ATXN1: variants seen among roughly 807,000 people sequenced by gnomAD.
ATXN1 encodes ataxin 1, also known as ataxin-1.
A neutral mutation model predicts 56.4 loss-of-function variants in ATXN1; 8 were observed. The observed-to-expected ratio is 0.14, with a 90% CI of 0.08 to 0.26. The LOEUF (loss-of-function observed/expected upper bound fraction) is 0.26, where lower values mean the gene tolerates loss of function less well. ATXN1 is among the 10% of genes least tolerant of loss of function. ATXN1 has a pLI of 1.00. For synonymous variants in ATXN1, 514 were observed against 494.6 expected, an observed-to-expected ratio of 1.04 and a Z score of -0.52; for missense variants, 987 against 1,106.5, an observed-to-expected ratio of 0.89 and a Z score of 1.53.
chr6:16,711,607 T>C (rs186543191), intron 2 of ATXN1, among the ~76,000 whole-genome samples: 228 of 150,084 alleles, frequency 1.5e-3, no homozygotes, highest in Non-Finnish European at 2.5e-3. Flanking sequence ...AAACCATCTA[T>C]ATCTATATAG....
intron 3 of ATXN1, among the ~76,000 whole-genome samples, chr6:16,651,319 CG>C (rs1168119236): frequency 3.9e-5 from 6 of 152,056 alleles, no homozygotes; most frequent in Admixed American, 3.9e-4. Flanking sequence ...CTTAGGCAGG[CG>C]GATCATGAGG....
chr6:16,683,604 T>G (rs1758857853), intron 2 of ATXN1, among the ~76,000 whole-genome samples: 3 of 152,188 alleles, frequency 2.0e-5, no homozygotes, highest in African/African-American at 7.2e-5. Flanking sequence ...CTGAAAGTGT[T>G]TATGACAGAC....
At chr6:16,337,905 G>A (rs1246516695) in intron 6 of ATXN1, among the ~76,000 whole-genome samples, 1 of 152,166 alleles carries the variant, frequency 6.6e-6, no homozygotes, top group East Asian at 1.9e-4. Flanking sequence ...GTAAGAACTG[G>A]GGTCAGGAGG....
intron 6 of ATXN1, among the ~76,000 whole-genome samples, chr6:16,412,699 G>A (rs80093112): frequency 0.017 from 2,610 of 152,190 alleles, 75 homozygotes; most frequent in African/African-American, 0.06. Context: ...TGAAGGGTAC[G>A]CAAAATCCAA....
In ATXN1 at chr6:16,624,348, T is replaced by A. The variant is rs923240050; in HGVS notation, c.-489+33428A>T. ...CCTGGGGGATGAGAGCGAGACTTTG[T>A]CTCAAGAAAAAAAAAAAAAAAAAAG... is the stretch of plus-strand genomic sequence containing the variant. On this transcript the variant is annotated intron_variant, in intron 3 of 7. Transcript: ENST00000436367. 5.3e-4 allele frequency among the ~76,000 whole-genome samples: 60 copies of A among 113,720 alleles called. No individual in the cohort carries two copies. The Middle Eastern group carries it at 0.023, about 43-fold the overall frequency. The allele number at this position is 113,720 out of a possible 152,430, so 74.6% of individuals were successfully genotyped here. A position where few individuals can be genotyped will look rare whatever the true frequency, so the allele number is the denominator to read the frequency against.
chr6:16,431,565 T>C (rs1438031480), intron 6 of ATXN1, among the ~76,000 whole-genome samples: 1 of 152,218 alleles, frequency 6.6e-6, no homozygotes, highest in Non-Finnish European at 1.5e-5. Flanking sequence ...GAGTATAATT[T>C]TGAAAGCATT....
chr6:16,508,143 A>C (rs9477148), intron 5 of ATXN1, among the ~76,000 whole-genome samples: 6,367 of 152,224 alleles, frequency 0.042, 451 homozygotes, highest in African/African-American at 0.14. Context: ...CTTAGGATGA[A>C]ATTTCTGGTA....
At chr6:16,370,653 A>G (rs1264816520) in intron 6 of ATXN1, among the ~76,000 whole-genome samples, 3 of 152,172 alleles carry the variant, frequency 2.0e-5, no homozygotes, top group Admixed American at 2.0e-4. Flanking sequence ...ATTTTGGCAT[A>G]TATATATAAT....
In ATXN1 at chr6:16,304,539, ACTCT is replaced by A. The variant is rs900349811; in HGVS notation, c.*1786_*1789del. The A allele has an allele frequency of 2.0e-5, 3 of 152,486 alleles. No individual in the cohort carries two copies. The highest frequency in any genetic ancestry group is 2.9e-5 in the Non-Finnish European group (2 of 68,008). 9.4% of individuals were successfully genotyped at this position (152,486 alleles called of 1,614,324 possible). On this transcript the variant is annotated 3_prime_UTR_variant, in exon 8 of 8. Transcript: ENST00000436367. ...ACATATATAAATGTCTTTATGGAAA[ACTCT>A]CTCAATGAATCTGAAGAAAATTCTC...
At chr6:16,667,221 T>C (rs1408850022) in intron 2 of ATXN1, 1 of 152,206 alleles carries the variant, frequency 6.6e-6, no homozygotes. Flanking sequence ...CCAACCTCCA[T>C]CCACCTGAGA....
intron 2 of ATXN1, among the ~76,000 whole-genome samples, chr6:16,750,449 TAA>T (rs1181659856): frequency 1.3e-5 from 2 of 152,194 alleles, no homozygotes; most frequent in Non-Finnish European, 2.9e-5. Context: ...TGAATGAATA[TAA>T]AAGAGTACAA....
chr6:16,378,891 G>A (rs780489765), intron 6 of ATXN1, among the ~76,000 whole-genome samples: 99 of 152,222 alleles, frequency 6.5e-4, no homozygotes, highest in African/African-American at 2.2e-3. Flanking sequence ...TTATGATGCC[G>A]ATTCAGCAAG....
chr6:16,373,314 A>G (rs1762082400), intron 6 of ATXN1, among the ~76,000 whole-genome samples: 1 of 152,130 alleles, frequency 6.6e-6, no homozygotes, highest in African/African-American at 2.4e-5. Flanking sequence ...CACTTATACA[A>G]TTTTTTACTT....
intron 4 of ATXN1, among the ~76,000 whole-genome samples, chr6:16,560,591 A>T (rs937919847): frequency 6.6e-6 from 1 of 150,944 alleles, no homozygotes; most frequent in Non-Finnish European, 1.5e-5. Flanking sequence ...CCCGTCTTGG[A>T]GGAGGTTAGA....
At position 16,368,918 on chromosome 6, in the gene ATXN1, T is replaced by C. The variant is rs77898026; in HGVS notation, c.-160-40448A>G. On this transcript the variant is annotated intron_variant, in intron 6 of 7. Coordinates refer to ENST00000436367, the MANE Select transcript of ATXN1 (RefSeq NM_001128164.2). ...ATGTTGAAAGGTATCTTTACTTCAA[T>C]ATGTGTGCAAGATAATCTATGCTGT... Among the ~76,000 whole-genome samples the C allele has an allele frequency of 1.6e-4, 25 of 152,354 alleles. No homozygotes were observed. The East Asian group carries it at 4.2e-3, about 26-fold the overall frequency.
intron 2 of ATXN1, among the ~76,000 whole-genome samples, chr6:16,674,120 T>C (rs930502478): frequency 2.0e-5 from 3 of 152,138 alleles, no homozygotes; most frequent in African/African-American, 7.2e-5. Flanking sequence ...TTCAGTCTGT[T>C]TGACATTTTA....
intron 6 of ATXN1, among the ~76,000 whole-genome samples, chr6:16,406,914 C>G (rs1248147378): frequency 2.0e-5 from 3 of 152,222 alleles, no homozygotes; most frequent in African/African-American, 7.2e-5. Context: ...ATGACCCTGT[C>G]TCCTTTGTTC....
chr6:16,361,912 A>C (rs1482172373), intron 6 of ATXN1, among the ~76,000 whole-genome samples: 1 of 152,216 alleles, frequency 6.6e-6, no homozygotes, highest in East Asian at 1.9e-4. Context: ...GGCTGTGGGC[A>C]TGTGGCCATA....
intron 4 of ATXN1, among the ~76,000 whole-genome samples, chr6:16,528,878 A>G (rs1175111423): frequency 1.3e-5 from 2 of 152,176 alleles, no homozygotes; most frequent in African/African-American, 4.8e-5. Context: ...ATTCTGACAA[A>G]CAAAAAATAA....
Sources: allele counts gnomAD v4.1 joint callset (sites outside exome capture counted in the v4.1 genomes callset), GRCh38; gene constraint gnomAD v4.1.1; transcripts MANE v1.5; gene names NCBI Gene and HGNC (gene_info 2026-07-23, HGNC 2026-07-21).